The following CDH12 variants were observed in gnomAD, a reference collection of about 807,000 sequenced individuals.
The protein encoded by CDH12 is cadherin-12.
A neutral mutation model predicts 74.1 loss-of-function variants in CDH12; 41 were observed. The observed-to-expected ratio is 0.55, with a 90% CI of 0.43 to 0.72. CDH12 has a LOEUF of 0.72. CDH12 is among the 30% of genes least tolerant of loss of function. The pLI is 0.00. For missense variants in CDH12, 945 were observed against 977.2 expected (o/e 0.97, Z 0.44); for synonymous variants, 399 against 355.0 (o/e 1.12, Z -1.39).
chr5:22,381,093 T>C (rs1741740913), intron 3 of CDH12, among the ~76,000 whole-genome samples: 1 of 152,062 alleles, frequency 6.6e-6, no homozygotes, highest in South Asian at 2.1e-4. Context: ...AATCTTAGTA[T>C]AAGAGAATAA....
At chr5:22,275,679 C>T (rs1182275433) in intron 3 of CDH12, among the ~76,000 whole-genome samples, 2 of 152,040 alleles carry the variant, frequency 1.3e-5, no homozygotes, top group Non-Finnish European at 2.9e-5. Flanking sequence ...GAAGTTTGCC[C>T]AAACTCATTT....
At chr5:21,859,257 C>T (rs375770047) in intron 6 of CDH12, among the ~76,000 whole-genome samples, 8 of 151,906 alleles carry the variant, frequency 5.3e-5, no homozygotes, top group African/African-American at 1.4e-4. Context: ...GGGAAGCCCT[C>T]AGGAAACTTA....
intron 1 of CDH12, among the ~76,000 whole-genome samples, chr5:22,685,653 G>A (rs566311198): frequency 2.1e-4 from 32 of 152,152 alleles, no homozygotes; most frequent in Non-Finnish European, 2.6e-4. Context: ...GAATAACACC[G>A]TATGTGGTCT....
chr5:22,557,866 T>A (rs1738870574), intron 1 of CDH12, among the ~76,000 whole-genome samples: 1 of 152,130 alleles, frequency 6.6e-6, no homozygotes, highest in South Asian at 2.1e-4. Context: ...TAGACTTACT[T>A]GGTAACAACT....
intron 11 of CDH12, among the ~76,000 whole-genome samples, chr5:21,782,736 G>A (rs529511802): frequency 1.6e-4 from 25 of 152,162 alleles, no homozygotes; most frequent in Middle Eastern, 3.4e-3. Context: ...AACCTTGATC[G>A]TTCTGCCAAA....
At chr5:22,606,881 T>A (rs1386052511) in intron 1 of CDH12, among the ~76,000 whole-genome samples, 1 of 152,172 alleles carries the variant, frequency 6.6e-6, no homozygotes, top group Non-Finnish European at 1.5e-5. Flanking sequence ...GCTTGTTGAA[T>A]AGTTTTGACC....
At chr5:21,778,328 G>C (rs1745707225) in intron 11 of CDH12, among the ~76,000 whole-genome samples, 1 of 152,034 alleles carries the variant, frequency 6.6e-6, no homozygotes, top group Non-Finnish European at 1.5e-5. Context: ...GAAAGGATCA[G>C]ATGAGTTAAT....
intron 1 of CDH12, among the ~76,000 whole-genome samples, chr5:22,740,606 T>A (rs1210879382): frequency 1.3e-5 from 2 of 152,052 alleles, no homozygotes; most frequent in African/African-American, 4.8e-5. Context: ...TTATTATGAG[T>A]ATTTTTAGGA....
chr5:22,062,056 G>A (rs1741225368), intron 5 of CDH12, among the ~76,000 whole-genome samples: 1 of 151,982 alleles, frequency 6.6e-6, no homozygotes, highest in Non-Finnish European at 1.5e-5. Flanking sequence ...AAGAAAGAAG[G>A]AAGAAAAAAG....
intron 3 of CDH12, among the ~76,000 whole-genome samples, chr5:22,388,876 G>C (rs1454579093): frequency 6.6e-6 from 1 of 151,988 alleles, no homozygotes; most frequent in African/African-American, 2.4e-5. Context: ...ATAGCTGAAC[G>C]TCTTATATTC....
intron 1 of CDH12, among the ~76,000 whole-genome samples, chr5:22,699,940 C>T (rs1021349061): frequency 2.0e-5 from 3 of 152,134 alleles, no homozygotes; most frequent in East Asian, 1.9e-4. Flanking sequence ...TTTGAGAGGC[C>T]GAGGCAGGCA....
In CDH12 at chr5:21,758,969, C is replaced by T. The variant is rs568569375; in HGVS notation, c.1633+1589G>A. 6.6e-5 allele frequency among the ~76,000 whole-genome samples: 10 copies of T among 151,918 alleles called. No homozygotes were observed. In the South Asian group the frequency reaches 8.3e-4, roughly 13 times the overall value. Reference sequence around the variant, plus strand: ...CAACTAACACTGGGCATGCCAAAAACGGGGAGAAAGGGAGGAGACAAAGGG... The same window carrying T: ...CAACTAACACTGGGCATGCCAAAAATGGGGAGAAAGGGAGGAGACAAAGGG... On this transcript the variant is annotated intron_variant, in intron 13 of 14. Coordinates refer to ENST00000382254, the MANE Select transcript of CDH12 (RefSeq NM_004061.5).
intron 6 of CDH12, among the ~76,000 whole-genome samples, chr5:21,880,437 T>C (rs1579893824): frequency 6.6e-6 from 1 of 151,536 alleles, no homozygotes; most frequent in Non-Finnish European, 1.5e-5. Flanking sequence ...ACAATGCTTT[T>C]CCTTCCTTCT....
chr5:22,631,497 A>C (rs928912803), intron 1 of CDH12, among the ~76,000 whole-genome samples: 2 of 152,074 alleles, frequency 1.3e-5, no homozygotes, highest in East Asian at 1.9e-4. Flanking sequence ...ACATGGATGG[A>C]GCTGGAGGCC....
intron 6 of CDH12, among the ~76,000 whole-genome samples, chr5:21,864,483 C>T (rs1251693387): frequency 6.6e-6 from 1 of 152,148 alleles, no homozygotes. Context: ...TGGAATCATG[C>T]AGAAAGAGTG....
At chr5:22,271,919 A>G (rs1334610239) in intron 3 of CDH12, among the ~76,000 whole-genome samples, 1 of 152,206 alleles carries the variant, frequency 6.6e-6, no homozygotes, top group Non-Finnish European at 1.5e-5. Flanking sequence ...TAGATTTAGC[A>G]TAATTCTTAA....
intron 2 of CDH12, among the ~76,000 whole-genome samples, chr5:22,406,630 T>C (rs890522837): frequency 6.6e-6 from 1 of 152,114 alleles, no homozygotes; most frequent in African/African-American, 2.4e-5. Flanking sequence ...GCCAATTACA[T>C]GCAAAAACAA....
intron 3 of CDH12, among the ~76,000 whole-genome samples, chr5:22,328,731 GAA>G (rs1423612152): frequency 6.6e-6 from 1 of 152,104 alleles, no homozygotes; most frequent in African/African-American, 2.4e-5. Context: ...GGCAATAAAA[GAA>G]AGTGAAAAAA....
chr5:21,767,502 A>C (rs1252475117), intron 11 of CDH12, among the ~76,000 whole-genome samples: 1 of 151,624 alleles, frequency 6.6e-6, no homozygotes, highest in African/African-American at 2.4e-5. Context: ...CAAAAGTACT[A>C]TTGGCATTTT....
Sources: allele counts gnomAD v4.1 joint callset (sites outside exome capture counted in the v4.1 genomes callset), GRCh38; gene constraint gnomAD v4.1.1; transcripts MANE v1.5; gene names NCBI Gene and HGNC (gene_info 2026-07-23, HGNC 2026-07-21).